The following NR6A1 variants were observed in gnomAD, a reference collection of about 807,000 sequenced individuals.
The protein encoded by NR6A1 is nuclear receptor subfamily 6 group A member 1.
In NR6A1, 7 loss-of-function variants were observed where a neutral mutation model predicts 59.1. The observed-to-expected ratio is 0.12, with a 90% confidence interval of 0.07 to 0.22. NR6A1 has a LOEUF of 0.22. NR6A1 is among the 10% of genes least tolerant of loss of function. The probability of loss-of-function intolerance (pLI) is 1.00; values close to 1 mark genes in which losing one functional copy is unlikely to be tolerated. For synonymous variants in NR6A1, 243 were observed against 236.1 expected, an observed-to-expected ratio of 1.03 and a Z score of -0.27; for missense variants, 468 against 611.6, an observed-to-expected ratio of 0.77 and a Z score of 2.48.
At position 124,673,673 on chromosome 9, in the gene NR6A1, G is replaced by T. The variant is rs561383530; in HGVS notation, c.142+59635C>A. Reference sequence around the variant, plus strand: ...TAGGCAAATATAATTAAAGAAAAAAGTTAAAGCTTTCATAAAAGACAAGTT... The same window carrying T: ...TAGGCAAATATAATTAAAGAAAAAATTTAAAGCTTTCATAAAAGACAAGTT... On this transcript the variant is annotated intron_variant, in intron 2 of 9. Transcript: ENST00000487099. 1.2e-3 allele frequency among the ~76,000 whole-genome samples: 175 copies of T among 152,154 alleles called. 1 individual carries two copies. Among genetic ancestry groups the T allele is most frequent in the African/African-American group, 3.9e-3 (160 of 41,488 alleles).
intron 2 of NR6A1, among the ~76,000 whole-genome samples, chr9:124,555,329 A>C (rs1331150959): frequency 6.6e-6 from 1 of 152,242 alleles, no homozygotes; most frequent in Non-Finnish European, 1.5e-5. Context: ...GCACCCTGTG[A>C]ACTGTGATGT....
chr9:124,573,333 C>T (rs1394783306), intron 2 of NR6A1, among the ~76,000 whole-genome samples: 1 of 152,234 alleles, frequency 6.6e-6, no homozygotes, highest in Non-Finnish European at 1.5e-5. Context: ...GGAATGAACA[C>T]TAGCATACTT....
At chr9:124,743,593 T>C (rs896048560) in intron 1 of NR6A1, among the ~76,000 whole-genome samples, 1 of 152,176 alleles carries the variant, frequency 6.6e-6, no homozygotes, top group African/African-American at 2.4e-5. Context: ...TTCATATAGT[T>C]TTTCCGGCTT....
intron 7 of NR6A1, 137 bp downstream of exon 7, chr9:124,535,741 G>A (rs1833241518): frequency 1.8e-6 from 2 of 1,101,418 alleles, no homozygotes; most frequent in South Asian, 3.0e-5. Flanking sequence ...CACAAATCTA[G>A]TCAGTGGCAG....
intron 7 of NR6A1, among the ~76,000 whole-genome samples, chr9:124,528,094 C>G (rs1832991276): frequency 6.6e-6 from 1 of 152,206 alleles, no homozygotes; most frequent in South Asian, 2.1e-4. Context: ...CAAGAAGGCC[C>G]TATCTGGGTA....
intron 2 of NR6A1, among the ~76,000 whole-genome samples, chr9:124,623,450 C>G (rs1441110876): frequency 1.3e-5 from 2 of 151,928 alleles, no homozygotes; most frequent in Admixed American, 6.6e-5. Context: ...CAGCCTTGAC[C>G]TCGCGGGCTC....
At chr9:124,611,640 G>A (rs552258893) in intron 2 of NR6A1, among the ~76,000 whole-genome samples, 4 of 152,042 alleles carry the variant, frequency 2.6e-5, no homozygotes, top group African/African-American at 9.6e-5. Flanking sequence ...TCCTAGCTAT[G>A]TGGGGGGCTG....
intron 2 of NR6A1, among the ~76,000 whole-genome samples, chr9:124,729,214 GA>G (rs1008011025): frequency 2.0e-5 from 3 of 152,084 alleles, no homozygotes; most frequent in Non-Finnish European, 1.5e-5. Context: ...CACGTATTTG[GA>G]AATTTAAATT....
chr9:124,614,952 T>C (rs58590319), intron 2 of NR6A1, among the ~76,000 whole-genome samples: 6,954 of 152,252 alleles, frequency 0.046, 450 homozygotes, highest in African/African-American at 0.14. Flanking sequence ...GTCCCAGTGA[T>C]ATAACTGGAT....
chr9:124,756,991 G>GA (rs1380366506), intron 1 of NR6A1, among the ~76,000 whole-genome samples: 1 of 115,424 alleles, frequency 8.7e-6, no homozygotes, highest in Non-Finnish European at 1.8e-5. Context: ...GAATCAAAAA[G>GA]AAAAAAAAAG....
At chr9:124,597,144 T>C (rs529761726) in intron 2 of NR6A1, among the ~76,000 whole-genome samples, 2 of 152,264 alleles carry the variant, frequency 1.3e-5, no homozygotes, top group South Asian at 4.1e-4. Flanking sequence ...TAGGGTCATC[T>C]TACAAAGTAG....
intron 2 of NR6A1, among the ~76,000 whole-genome samples, chr9:124,667,563 G>C (rs1182871928): frequency 6.6e-6 from 1 of 152,010 alleles, no homozygotes; most frequent in Non-Finnish European, 1.5e-5. Flanking sequence ...GATTTCAAAG[G>C]GTAGGGCAAT....
At chr9:124,703,982 G>A (rs1373953171) in intron 2 of NR6A1, among the ~76,000 whole-genome samples, 4 of 152,152 alleles carry the variant, frequency 2.6e-5, no homozygotes, top group African/African-American at 7.2e-5. Flanking sequence ...TTAAGTGTTT[G>A]ACAGAATTCA....
intron 1 of NR6A1, among the ~76,000 whole-genome samples, chr9:124,762,608 G>A (rs1414212865): frequency 6.6e-6 from 1 of 152,178 alleles, no homozygotes; most frequent in Non-Finnish European, 1.5e-5. Context: ...CTTTCTTAAA[G>A]GTTAGTTCAG....
chr9:124,621,158 A>G (rs1836059020), intron 2 of NR6A1, among the ~76,000 whole-genome samples: 1 of 152,212 alleles, frequency 6.6e-6, no homozygotes, highest in Non-Finnish European at 1.5e-5. Context: ...CTTTGCCTGC[A>G]AAGTATACTC....
Position 124,611,774 on chromosome 9 carries a change from A to AGAGAGAGAGAGAGAGAGAGAGAGAGAAT in NR6A1, c.143-57205_143-57204insATTCTCTCTCTCTCTCTCTCTCTCTCTC, listed in dbSNP as rs148472095. Among the ~76,000 whole-genome samples the AGAGAGAGAGAGAGAGAGAGAGAGAGAAT allele has an allele frequency of 5.4e-3, 566 of 105,574 alleles. 28 individuals carry two copies. The highest frequency in any genetic ancestry group is 0.019 in the African/African-American group (415 of 21,452). The allele number at this position is 105,574 out of a possible 152,430, so 69.3% of individuals were successfully genotyped here. A position where few individuals can be genotyped will look rare whatever the true frequency, so the allele number is the denominator to read the frequency against. ...TAGAGAGAGAGAGAGAGAGAGAGAG[A>AGAGAGAGAGAGAGAGAGAGAGAGAGAAT]GAGAGAGAATGAGAGAGAATGAGAG... On this transcript the variant is annotated intron_variant, in intron 2 of 9. Coordinates refer to ENST00000487099, the MANE Select transcript of NR6A1 (RefSeq NM_033334.4).
At chr9:124,650,165 C>A (rs995524117) in intron 2 of NR6A1, among the ~76,000 whole-genome samples, 1 of 152,130 alleles carries the variant, frequency 6.6e-6, no homozygotes, top group Non-Finnish European at 1.5e-5. Context: ...CTATTCACAA[C>A]AGCCAAGATA....
chr9:124,720,191 ACAAG>A lies in NR6A1; in HGVS notation c.142+13113_142+13116del. On this transcript the variant is annotated intron_variant, in intron 2 of 9. Coordinates refer to ENST00000487099, the MANE Select transcript of NR6A1 (RefSeq NM_033334.4). ...ATCAGCCTCCCAAGTAGCTGGGATT[ACAAG>A]CATGCGCCACCACGTCCAGGTAATT... is the stretch of plus-strand genomic sequence containing the variant. Among the ~76,000 whole-genome samples, 3 of 152,076 alleles carry A rather than the reference ACAAG, an allele frequency of 2.0e-5. No homozygotes were observed. In the South Asian group the frequency reaches 6.2e-4, roughly 32 times the overall value.
chr9:124,745,543 T>C (rs1178974896), intron 1 of NR6A1, among the ~76,000 whole-genome samples: 1 of 151,524 alleles, frequency 6.6e-6, no homozygotes, highest in African/African-American at 2.4e-5. Context: ...TGGTGGCGCA[T>C]GCCTGTAGTC....
Sources: gnomAD v4.1 joint callset for allele counts (sites outside exome capture counted in the v4.1 genomes callset) on GRCh38, gnomAD v4.1.1 for gene constraint, MANE v1.5 for transcripts, NCBI Gene and HGNC (gene_info 2026-07-23, HGNC 2026-07-21) for gene names.